Variants in DIP2B observed in about 807,000 individuals in gnomAD.
DIP2B encodes the protein DIP2 acetate--CoA ligase B (putative).
A neutral mutation model predicts 198.0 loss-of-function variants in DIP2B; 76 were observed. The observed-to-expected ratio is 0.38, with a 90% CI of 0.32 to 0.46. The LOEUF is 0.46. Ranked by LOEUF, DIP2B falls within the 20% of genes least tolerant of loss-of-function variation. The pLI is 0.99. For synonymous variants in DIP2B, 701 were observed against 739.1 expected (o/e 0.95, Z 0.84); for missense variants, 1,559 against 1,978.4 (o/e 0.79, Z 4.02).
At chr12:50,687,862 C>G (rs1307938829) in intron 12 of DIP2B, among the ~76,000 whole-genome samples, 1 of 149,276 alleles carries the variant, frequency 6.7e-6, no homozygotes, top group African/African-American at 2.5e-5. Flanking sequence ...AACCTACATG[C>G]AAGTTCTGCA....
intron 1 of DIP2B, among the ~76,000 whole-genome samples, chr12:50,604,844 G>C (rs1958968348): frequency 6.6e-6 from 1 of 152,024 alleles, no homozygotes; most frequent in South Asian, 2.1e-4. Context: ...TTCTATAAAT[G>C]TTCTATTTAA....
intron 28 of DIP2B, 111 bp from the exon 29 acceptor site, chr12:50,727,591 AG>A: frequency 1.1e-6 from 1 of 925,278 alleles, no homozygotes; most frequent in Non-Finnish European, 1.7e-6. Flanking sequence ...GAGAGGCCTA[AG>A]CTTTAGCAAA....
intron 25 of DIP2B, among the ~76,000 whole-genome samples, chr12:50,719,284 A>G (rs1337480196): frequency 6.6e-6 from 1 of 152,184 alleles, no homozygotes; most frequent in East Asian, 1.9e-4. Flanking sequence ...TTCAGTTCTG[A>G]TAGGAGAAAT....
rs150837546 is a variant in DIP2B, at chr12:50,677,347, C to T, written c.917-1332C>T. On this transcript the variant is annotated intron_variant, in intron 7 of 37. Coordinates refer to ENST00000301180, the MANE Select transcript of DIP2B (RefSeq NM_173602.3). ...TATGAAAATGTAGCATTTGGCCGGGCGCGGTGGCTCACACCTGTAATCCCA... is the reference window on the plus strand; with the variant it reads ...TATGAAAATGTAGCATTTGGCCGGGTGCGGTGGCTCACACCTGTAATCCCA... Among the ~76,000 whole-genome samples, 613 of 152,190 alleles carry T rather than the reference C, an allele frequency of 4.0e-3. 4 individuals are homozygous for T. The highest frequency in any genetic ancestry group is 0.014 in the African/African-American group (563 of 41,516).
At chr12:50,612,485 G>C (rs11169505) in intron 1 of DIP2B, among the ~76,000 whole-genome samples, 40,456 of 149,790 alleles carry the variant, frequency 0.27, 5,782 homozygotes, top group East Asian at 0.39. Context: ...CTGGGGTGCA[G>C]TGGTGCCATC....
intron 2 of DIP2B, among the ~76,000 whole-genome samples, chr12:50,630,435 T>G (rs1419317704): frequency 6.6e-6 from 1 of 152,130 alleles, no homozygotes; most frequent in Non-Finnish European, 1.5e-5. Context: ...CAAGTTTTGC[T>G]TTATATGTTT....
chr12:50,604,035 A>G (rs1958960889), intron 1 of DIP2B, among the ~76,000 whole-genome samples: 5 of 152,078 alleles, frequency 3.3e-5, no homozygotes, highest in Admixed American at 2.0e-4. Context: ...CCTTTCTTGC[A>G]TTGTTTTGCA....
chr12:50,540,108 A>AC (rs1455583313), intron 1 of DIP2B, among the ~76,000 whole-genome samples: 1 of 86,222 alleles, frequency 1.2e-5, no homozygotes, highest in Non-Finnish European at 2.3e-5. Context: ...ATAGCTATGA[A>AC]CATTTTTTTT....
chr12:50,624,019 G>A (rs1937882923), intron 1 of DIP2B, among the ~76,000 whole-genome samples: 1 of 152,166 alleles, frequency 6.6e-6, no homozygotes, highest in Admixed American at 6.5e-5. Flanking sequence ...TTTTTTTACT[G>A]TAAACAGTAG....
intron 1 of DIP2B, among the ~76,000 whole-genome samples, chr12:50,530,705 T>G (rs1412839867): frequency 6.6e-6 from 1 of 152,074 alleles, no homozygotes; most frequent in African/African-American, 2.4e-5. Context: ...TTTACGAGAC[T>G]AGTATGGAGG....
chr12:50,707,426 A>G (rs1274861548), intron 21 of DIP2B, among the ~76,000 whole-genome samples: 2 of 152,190 alleles, frequency 1.3e-5, no homozygotes, highest in Non-Finnish European at 2.9e-5. Context: ...GACACCTGGT[A>G]GGTGTTGGGT....
At chr12:50,598,055 TAACTC>T (rs1415034624) in intron 1 of DIP2B, among the ~76,000 whole-genome samples, 1 of 152,224 alleles carries the variant, frequency 6.6e-6, no homozygotes, top group African/African-American at 2.4e-5. Context: ...GTTTCAGAAA[TAACTC>T]AAGTAATTTC....
intron 1 of DIP2B, among the ~76,000 whole-genome samples, chr12:50,548,718 G>A (rs1958398657): frequency 6.6e-6 from 1 of 152,086 alleles, no homozygotes; most frequent in Admixed American, 6.6e-5. Context: ...TAGAGATGGG[G>A]TTTCGGCATG....
At chr12:50,605,964 G>C (rs1958977854) in intron 1 of DIP2B, among the ~76,000 whole-genome samples, 1 of 152,132 alleles carries the variant, frequency 6.6e-6, no homozygotes. Context: ...TGGGATTACA[G>C]GTGTGTGCCA....
rs553703657 is a variant in DIP2B, at chr12:50,717,451, C to T, written c.2852-1258C>T. 1.3e-3 allele frequency among the ~76,000 whole-genome samples: 189 copies of T among 149,006 alleles called. 1 individual carries two copies. Among genetic ancestry groups the T allele is most frequent in the Non-Finnish European group, 2.2e-3 (150 of 67,606 alleles). On this transcript the variant is annotated intron_variant, in intron 23 of 37. Transcript: ENST00000301180. ...CGCGATCTTGGCTCACTGCAAGCTT[C>T]GCCTCCTGGGTTGACGCCATTCTCC...
chr12:50,566,694 G>T (rs1348201475), intron 1 of DIP2B, among the ~76,000 whole-genome samples: 1 of 151,992 alleles, frequency 6.6e-6, no homozygotes, highest in Non-Finnish European at 1.5e-5. Flanking sequence ...ATATGGCTGG[G>T]CGCAGTGGCT....
intron 1 of DIP2B, among the ~76,000 whole-genome samples, chr12:50,554,656 G>A (rs1958454076): frequency 6.6e-6 from 1 of 152,058 alleles, no homozygotes; most frequent in Non-Finnish European, 1.5e-5. Flanking sequence ...GATTTCCTTT[G>A]CTTTGTGTAT....
chr12:50,549,697 T>TAAA (rs56326368), intron 1 of DIP2B, among the ~76,000 whole-genome samples: 12,169 of 64,620 alleles, frequency 0.19, 1,608 homozygotes, highest in East Asian at 0.29. Flanking sequence ...GACTCCATCT[T>TAAA]AAAAAAAAAA....
chr12:50,596,701 C>A (rs991831786), intron 1 of DIP2B, among the ~76,000 whole-genome samples: 2 of 152,012 alleles, frequency 1.3e-5, no homozygotes, highest in East Asian at 3.9e-4. Context: ...CCCACCTCTA[C>A]CAAAAATTCA....
Sources: allele counts gnomAD v4.1 joint callset (sites outside exome capture counted in the v4.1 genomes callset), GRCh38; gene constraint gnomAD v4.1.1; transcripts MANE v1.5; gene names NCBI Gene and HGNC (gene_info 2026-07-23, HGNC 2026-07-21).